ZBTB8B: variants seen among roughly 807,000 people sequenced by gnomAD.
The protein encoded by ZBTB8B is zinc finger and BTB domain containing 8B, also known as zinc finger and BTB domain-containing protein 8B.
ZBTB8B carries 17 observed loss-of-function variants against 30.3 expected under a neutral mutation model. That is an observed-to-expected ratio of 0.56 (90% CI 0.38 to 0.84). The LOEUF (loss-of-function observed/expected upper bound fraction) is 0.84, where lower values mean the gene tolerates loss of function less well. ZBTB8B is among the 40% of genes least tolerant of loss of function. ZBTB8B has a pLI of 0.00. For missense variants in ZBTB8B, 515 were observed against 644.9 expected (o/e 0.80, Z 2.18); for synonymous variants, 248 against 255.6 (o/e 0.97, Z 0.28).
rs1643767505 is a variant in ZBTB8B at position 32,489,770 on chromosome 1, C to A, written c.*4352C>A. 1 of 152,080 alleles carries A rather than the reference C, an allele frequency of 6.6e-6. No individual in the cohort carries two copies. The highest frequency in any genetic ancestry group is 6.6e-5 in the Admixed American group (1 of 15,260). 9.4% of individuals were successfully genotyped at this position (152,080 alleles called of 1,614,324 possible). ...AGTTATTTCTCTTGGGGGATGAGGA[C>A]CCCCTTCTCAAAAGTTGAGAAGGAA... On this transcript the variant is annotated 3_prime_UTR_variant, in exon 4 of 4. Coordinates refer to ENST00000609129, the MANE Select transcript of ZBTB8B (RefSeq NM_001145720.2).
chr1:32,465,777 A>G lies in ZBTB8B; in HGVS notation c.-42+672A>G, dbSNP rs562890632. 1.3e-5 allele frequency among the ~76,000 whole-genome samples: 2 copies of G among 152,262 alleles called. No individual in the cohort carries two copies. Among genetic ancestry groups the G allele is most frequent in the South Asian group, 2.1e-4 (1 of 4,824 alleles). On this transcript the variant is annotated intron_variant, in intron 1 of 3. Transcript: ENST00000609129. The surrounding 1 kb of genome is among the most constrained non-coding windows in gnomAD (Gnocchi z 4.1). ...CGGGAGTCAGTCGGATCTCTGTTCT[A>G]TTACTAACTTGGTGATGTTATCTGC...
In ZBTB8B at chr1:32,470,592, G is replaced by T. The variant is rs776759567; in HGVS notation, c.-33G>T. ...AAGAAAAATCTTGGCAGAGATACAG[G>T]TTTGCTCTGGAGCAGCAGCAGCTGG... On this transcript the variant is annotated 5_prime_UTR_variant, in exon 2 of 4. Coordinates refer to ENST00000609129, the MANE Select transcript of ZBTB8B (RefSeq NM_001145720.2). 2.0e-6 allele frequency: 3 copies of T among 1,528,340 alleles called. No individual in the cohort carries two copies. The African/African-American group carries it at 4.1e-5, about 21-fold the overall frequency. 94.7% of individuals were successfully genotyped at this position (1,528,340 alleles called of 1,614,324 possible). A position where few individuals can be genotyped will look rare whatever the true frequency, so the allele number is the denominator to read the frequency against.
At position 32,491,251 on chromosome 1, in the gene ZBTB8B, G is replaced by C. The variant is rs1643777921; in HGVS notation, c.*5833G>C. On this transcript the variant is annotated 3_prime_UTR_variant, in exon 4 of 4. Transcript: ENST00000609129. The stretch of plus-strand genomic sequence containing the variant: ...TTATCTGTCATGCATACAGTGAAGG[G>C]TATGGTCAGGATTTTTTTGGAAGTA... The C allele has an allele frequency of 6.6e-6, 1 of 152,102 alleles. No homozygotes were observed. The allele number at this position is 152,102 out of a possible 1,614,324, so 9.4% of individuals were successfully genotyped here. A position where few individuals can be genotyped will look rare whatever the true frequency, so the allele number is the denominator to read the frequency against.
chr1:32,473,730 A>C (rs1048237899), intron 2 of ZBTB8B, among the ~76,000 whole-genome samples: 1 of 152,104 alleles, frequency 6.6e-6, no homozygotes, highest in Non-Finnish European at 1.5e-5. Context: ...TATGTTGCTC[A>C]GTTTGGTCTC....
intron 2 of ZBTB8B, among the ~76,000 whole-genome samples, chr1:32,473,502 T>C (rs954814898): frequency 5.2e-5 from 7 of 134,846 alleles, no homozygotes; most frequent in South Asian, 4.9e-4. Flanking sequence ...ACTAAATGGC[T>C]GTCTTGAGAC....
In ZBTB8B at chr1:32,494,930, C is replaced by G. The variant is rs891271962; in HGVS notation, c.*9512C>G. On this transcript the variant is annotated 3_prime_UTR_variant, in exon 4 of 4. Transcript: ENST00000609129. Reference sequence around the variant, plus strand: ...TCTCATGCCTCAGCCTCCTGAGTAGCTGGGATTACAGAGGTATGCCACCAT... The same window carrying G: ...TCTCATGCCTCAGCCTCCTGAGTAGGTGGGATTACAGAGGTATGCCACCAT... 2 of 152,066 alleles carry G rather than the reference C, an allele frequency of 1.3e-5. No individual in the cohort carries two copies. The highest frequency in any genetic ancestry group is 2.9e-5 in the Non-Finnish European group (2 of 68,044). The allele number at this position is 152,066 out of a possible 1,614,324, so 9.4% of individuals were successfully genotyped here. A position where few individuals can be genotyped will look rare whatever the true frequency, so the allele number is the denominator to read the frequency against.
chr1:32,484,210 G>GAAAA lies in ZBTB8B; in HGVS notation c.1171-878_1171-875dup, dbSNP rs1279754660. Among the ~76,000 whole-genome samples, 1 of 130,456 alleles carries GAAAA rather than the reference G, an allele frequency of 7.7e-6. No individual in the cohort carries two copies. Among genetic ancestry groups the GAAAA allele is most frequent in the Admixed American group, 7.9e-5 (1 of 12,716 alleles). The allele number at this position is 130,456 out of a possible 152,430, so 85.6% of individuals were successfully genotyped here. On this transcript the variant is annotated intron_variant, in intron 3 of 3. Coordinates refer to ENST00000609129, the MANE Select transcript of ZBTB8B (RefSeq NM_001145720.2). The surrounding 1 kb of genome is among the most constrained non-coding windows in gnomAD (Gnocchi z 4.5). The stretch of plus-strand genomic sequence containing the variant: ...GTGACAGAGAAAGACCCTGTCTCTG[G>GAAAA]AAAAAAAAAAAAAAAATCCCAATCA...
chr1:32,481,000 G>A lies in ZBTB8B; in HGVS notation c.1101G>A (p.Arg367=). The change falls in exon 3 of 4, where the codon CGG becomes CGA. Residue 367 remains arginine, a synonymous_variant. Coordinates refer to ENST00000609129, the MANE Select transcript of ZBTB8B (RefSeq NM_001145720.2). The stretch of plus-strand genomic sequence containing the variant: ...ACATCCGTTCACACACAGGCGAGCG[G>A]CCCTACCCCTGTGAGACCTGCGGCA... ...KRHIRSHTGE[R]PYPCETCGKR... The A allele has an allele frequency of 6.4e-7, 1 of 1,552,410 alleles. No individual in the cohort carries two copies. Among genetic ancestry groups the A allele is most frequent in the Non-Finnish European group, 8.7e-7 (1 of 1,147,242 alleles).
In ZBTB8B at chr1:32,494,749, A is replaced by T. The variant is rs1643804583; in HGVS notation, c.*9331A>T. ...ACTTATAAAAAATTTCAAAAGTAAA[A>T]ATATATATATTATTAACTTGAAGTG... On this transcript the variant is annotated 3_prime_UTR_variant, in exon 4 of 4. Transcript: ENST00000609129. 6.6e-6 allele frequency: 1 copy of T among 152,124 alleles called. No individual in the cohort carries two copies. The highest frequency in any genetic ancestry group is 2.1e-4 in the South Asian group (1 of 4,822). 9.4% of individuals were successfully genotyped at this position (152,124 alleles called of 1,614,324 possible).
Position 32,474,375 on chromosome 1 carries a change from A to T in ZBTB8B, c.991+2760A>T, listed in dbSNP as rs1373185426. Among the ~76,000 whole-genome samples, 387 of 136,976 alleles carry T rather than the reference A, an allele frequency of 2.8e-3. 2 individuals carry two copies. Among genetic ancestry groups the T allele is most frequent in the African/African-American group, 9.0e-3 (333 of 37,138 alleles). The allele number at this position is 136,976 out of a possible 152,430, so 89.9% of individuals were successfully genotyped here. On this transcript the variant is annotated intron_variant, in intron 2 of 3. Coordinates refer to ENST00000609129, the MANE Select transcript of ZBTB8B (RefSeq NM_001145720.2). ...AAAAAAAAAAAAAAAAAAAAAAAAAAAAAAAAATTGAAAAATTAGCCAGGC... is the reference window on the plus strand; with the variant it reads ...AAAAAAAAAAAAAAAAAAAAAAAAATAAAAAAATTGAAAAATTAGCCAGGC...
rs1392241379 is a variant in ZBTB8B, at chr1:32,492,821, G to A, written c.*7403G>A. ...CTGCAGTGTGTAATCACAGAGACTG[G>A]CAGTTATAACACGGCATGTTGGGTG... On this transcript the variant is annotated 3_prime_UTR_variant, in exon 4 of 4. Transcript: ENST00000609129. The A allele has an allele frequency of 6.6e-6, 1 of 152,194 alleles. No individual in the cohort carries two copies. Among genetic ancestry groups the A allele is most frequent in the Non-Finnish European group, 1.5e-5 (1 of 68,060 alleles). The allele number at this position is 152,194 out of a possible 1,614,324, so 9.4% of individuals were successfully genotyped here. A position where few individuals can be genotyped will look rare whatever the true frequency, so the allele number is the denominator to read the frequency against.
At position 32,489,996 on chromosome 1, in the gene ZBTB8B, G is replaced by T. The variant is rs1357857649; in HGVS notation, c.*4578G>T. ...CTGGTGGTTTGGAATACTGAGATGG[G>T]TTTTTTTTGTTATTGTTCATTGATG... is the stretch of plus-strand genomic sequence containing the variant. On this transcript the variant is annotated 3_prime_UTR_variant, in exon 4 of 4. Coordinates refer to ENST00000609129, the MANE Select transcript of ZBTB8B (RefSeq NM_001145720.2). 1 of 151,906 alleles carries T rather than the reference G, an allele frequency of 6.6e-6. No individual in the cohort carries two copies. 9.4% of individuals were successfully genotyped at this position (151,906 alleles called of 1,614,324 possible).
chr1:32,476,417 C>T (rs997397660), intron 2 of ZBTB8B, among the ~76,000 whole-genome samples: 3 of 152,058 alleles, frequency 2.0e-5, no homozygotes, highest in African/African-American at 7.2e-5. Flanking sequence ...ACCTGCTTTT[C>T]CTTCTGTTAA....
At position 32,471,505 on chromosome 1, in the gene ZBTB8B, A is replaced by G; in HGVS notation, c.881A>G (p.Asp294Gly). 2 of 1,551,830 alleles carry G rather than the reference A, an allele frequency of 1.3e-6. No individual in the cohort carries two copies. The highest frequency in any genetic ancestry group is 1.7e-6 in the Non-Finnish European group (2 of 1,147,018). Residue 294 changes from aspartate to glycine, a missense_variant, in exon 2 of 4, where the codon GAT becomes GGT. By Grantham distance (94) the Asp-to-Gly change is moderately conservative (BLOSUM62 -1). Around this residue, in one of 3 missense-constraint regions of ZBTB8B, gnomAD observed 429 missense variants for 504.3 expected, o/e 0.85. Transcript: ENST00000609129. Reference sequence around the variant, plus strand: ...CGCAACAGCGCTGCCCCGAGCAAGGATGATGCAGACCATCACTTTTCTAGG... The same window carrying G: ...CGCAACAGCGCTGCCCCGAGCAAGGGTGATGCAGACCATCACTTTTCTAGG... ...LLRNSAAPSK[D>G]DADHHFSRSL... is the part of the protein sequence containing the mutation.
At position 32,494,602 on chromosome 1, in the gene ZBTB8B, A is replaced by T. The variant is rs1643803201; in HGVS notation, c.*9184A>T. 6.6e-6 allele frequency: 1 copy of T among 152,158 alleles called. No homozygotes were observed. Among genetic ancestry groups the T allele is most frequent in the Admixed American group, 6.5e-5 (1 of 15,274 alleles). 9.4% of individuals were successfully genotyped at this position (152,158 alleles called of 1,614,324 possible). A position where few individuals can be genotyped will look rare whatever the true frequency, so the allele number is the denominator to read the frequency against. On this transcript the variant is annotated 3_prime_UTR_variant, in exon 4 of 4. Transcript: ENST00000609129. ...TAATTTCTTTGTCCTGTAATACCAC[A>T]CATATCTAAAACATAAACCACCATG...
chr1:32,476,087 G>C (rs906911658), intron 2 of ZBTB8B, among the ~76,000 whole-genome samples: 3 of 151,950 alleles, frequency 2.0e-5, no homozygotes, highest in African/African-American at 7.3e-5. Context: ...TAAAGTGCTG[G>C]GATTACAGGT....
chr1:32,482,393 C>A (rs775916932), intron 3 of ZBTB8B, among the ~76,000 whole-genome samples: 1 of 151,918 alleles, frequency 6.6e-6, no homozygotes, highest in Admixed American at 6.6e-5. Context: ...CGAAAACTGG[C>A]CGGGCGCAGG....
chr1:32,470,721 C>T lies in ZBTB8B; in HGVS notation c.97C>T (p.Arg33Trp), dbSNP rs1167605977. 3 of 1,551,710 alleles carry T rather than the reference C, an allele frequency of 1.9e-6. No individual in the cohort carries two copies. The highest frequency in any genetic ancestry group is 3.9e-5 in the Admixed American group (2 of 50,986). Residue 33 changes from arginine to tryptophan, a missense_variant, in exon 2 of 4, where the codon CGG (arginine) becomes TGG (tryptophan). This residue lies in a region of ZBTB8B where 61 missense variants were observed against 117.7 expected (regional missense o/e 0.52). Transcript: ENST00000609129. ...TGACTGCAGCATCATTGTGGAAGGG[C>T]GGATCTTCAAGGCCCACAGGAACAT... ...FCDCSIIVEG[R>W]IFKAHRNILF...
At chr1:32,473,930 A>G (rs994699754) in intron 2 of ZBTB8B, among the ~76,000 whole-genome samples, 2 of 151,990 alleles carry the variant, frequency 1.3e-5, no homozygotes, top group African/African-American at 4.8e-5. Context: ...AGCTCACTGC[A>G]ACCTCTGCCA....
Sources: gnomAD v4.1 joint callset for allele counts (sites outside exome capture counted in the v4.1 genomes callset) on GRCh38, gnomAD v4.1.1 for gene constraint, gnomAD v4.1.1 regional missense constraint, Gnocchi (gnomAD v3.1) non-coding constraint, MANE v1.5 for transcripts, NCBI Gene and HGNC (gene_info 2026-07-23, HGNC 2026-07-21) for gene names.